The following VAV2 variants were observed in gnomAD, a reference collection of about 807,000 sequenced individuals.
VAV2 encodes the protein guanine nucleotide exchange factor VAV2.
A neutral mutation model predicts 132.5 loss-of-function variants in VAV2; 67 were observed. The observed-to-expected ratio is 0.51, with a 90% confidence interval of 0.42 to 0.62. The LOEUF (loss-of-function observed/expected upper bound fraction) is 0.62. Ranked by LOEUF, VAV2 falls within the 20% of genes least tolerant of loss-of-function variation. VAV2 has a pLI of 0.00. For missense variants in VAV2, 938 were observed against 1,153.6 expected (o/e 0.81, Z 2.71); for synonymous variants, 492 against 443.5 (o/e 1.11, Z -1.37).
chr9:133,938,695 C>A (rs948070947), intron 2 of VAV2, among the ~76,000 whole-genome samples: 1 of 152,134 alleles, frequency 6.6e-6, no homozygotes, highest in Non-Finnish European at 1.5e-5. Flanking sequence ...CTCCTCATCT[C>A]CCCAGCCCCT....
rs1833305846 is a variant in VAV2, at chr9:133,762,854, C to T, written c.*1208G>A. The T allele has an allele frequency of 6.6e-6, 1 of 152,562 alleles. No individual in the cohort carries two copies. The highest frequency in any genetic ancestry group is 2.4e-5 in the African/African-American group (1 of 41,454). 9.5% of individuals were successfully genotyped at this position (152,562 alleles called of 1,614,324 possible). A position where few individuals can be genotyped will look rare whatever the true frequency, so the allele number is the denominator to read the frequency against. ...TGCAGCTGGCCAGAGGGAGAAGGGG[C>T]TACAAGAAGCCCAGGTCTCAACAGA... On this transcript the variant is annotated 3_prime_UTR_variant, in exon 30 of 30. Transcript: ENST00000371850. This position sits in a 1 kb window ranked among gnomAD's most constrained non-coding sequence, Gnocchi z 5.0.
chr9:133,892,450 C>T (rs2789867), intron 2 of VAV2, among the ~76,000 whole-genome samples: 150,762 of 152,066 alleles, frequency 0.99, 74,751 homozygotes, highest in East Asian at 1. Flanking sequence ...TACCAGTGCA[C>T]ACACCTCTGT....
Position 133,926,756 on chromosome 9 carries a change from T to C in VAV2, c.321+12347A>G, listed in dbSNP as rs558631163. 4.6e-5 allele frequency among the ~76,000 whole-genome samples: 7 copies of C among 152,316 alleles called. No individual in the cohort carries two copies. The highest frequency in any genetic ancestry group is 4.6e-4 in the Admixed American group (7 of 15,302). ...CTGCCCACCAAAGTCCCTGTCACTC[T>C]GCACAGTAGGCAGTGGCCCCTGGCT... On this transcript the variant is annotated intron_variant, in intron 2 of 29. Transcript: ENST00000371850. The surrounding 1 kb of genome is among the most constrained non-coding windows in gnomAD (Gnocchi z 4.3).
At chr9:133,878,968 G>A (rs1277241407) in intron 2 of VAV2, among the ~76,000 whole-genome samples, 1 of 152,138 alleles carries the variant, frequency 6.6e-6, no homozygotes, top group East Asian at 1.9e-4. Context: ...AACAAATCCA[G>A]CCTTTGACTC....
intron 1 of VAV2, among the ~76,000 whole-genome samples, chr9:133,965,494 CAAAAA>C (rs148320930): frequency 8.1e-6 from 1 of 122,794 alleles, no homozygotes; most frequent in South Asian, 2.7e-4. Flanking sequence ...GCGAGACTGT[CAAAAA>C]AAAAAAAAAA....
intron 2 of VAV2, among the ~76,000 whole-genome samples, chr9:133,880,260 C>T (rs1466308760): frequency 4.6e-5 from 7 of 152,174 alleles, no homozygotes; most frequent in Non-Finnish European, 7.3e-5. Flanking sequence ...AGGAAAGAGC[C>T]GGCAGGCAGC....
chr9:133,929,362 C>T (rs1840594972), intron 2 of VAV2, among the ~76,000 whole-genome samples: 1 of 152,112 alleles, frequency 6.6e-6, no homozygotes, highest in African/African-American at 2.4e-5. Flanking sequence ...GGGTGACAAA[C>T]TGGGGTCCCC....
chr9:133,904,255 A>G lies in VAV2; in HGVS notation c.321+34848T>C, dbSNP rs116594350. On this transcript the variant is annotated intron_variant, in intron 2 of 29. Transcript: ENST00000371850. ...CCACACACAGCTTTGTTCTTCTGGG[A>G]GACCCCTCTAGAGAACTGAAGAGCA... 6.4e-3 allele frequency among the ~76,000 whole-genome samples: 977 copies of G among 152,356 alleles called. 13 individuals carry two copies. Among genetic ancestry groups the G allele is most frequent in the African/African-American group, 0.022 (916 of 41,588 alleles).
chr9:133,836,578 G>A (rs1295310088), intron 3 of VAV2, among the ~76,000 whole-genome samples: 1 of 152,194 alleles, frequency 6.6e-6, no homozygotes. Flanking sequence ...ATGACATCAT[G>A]GCAAAGTATT....
At chr9:133,987,932 AC>A (rs1295615996) in intron 1 of VAV2, among the ~76,000 whole-genome samples, 1 of 151,830 alleles carries the variant, frequency 6.6e-6, no homozygotes, top group African/African-American at 2.4e-5. Flanking sequence ...CTCTGTGACC[AC>A]CTCCTAGCAC....
chr9:133,904,222 C>T (rs2132021997), intron 2 of VAV2, among the ~76,000 whole-genome samples: 1 of 152,322 alleles, frequency 6.6e-6, no homozygotes, highest in Non-Finnish European at 1.5e-5. Flanking sequence ...CTAAAGGGAA[C>T]CACTCTGCCA....
intron 2 of VAV2, among the ~76,000 whole-genome samples, chr9:133,929,009 A>T (rs183538605): frequency 2.0e-3 from 305 of 152,286 alleles, no homozygotes; most frequent in African/African-American, 6.8e-3. Context: ...CAGCCCATGA[A>T]AACAGGCAGC....
Position 133,788,459 on chromosome 9 carries a change from G to C in VAV2, c.1302C>G (p.Val434=). The change falls in exon 15 of 30, where the codon GTC becomes GTG. Residue 434 remains valine, a synonymous_variant. Transcript: ENST00000371850. This position sits in a 1 kb window ranked among gnomAD's most constrained non-coding sequence, Gnocchi z 5.3. ...DRYLFLFDKV[V]IVCKRKGYSY... ...TGTAGCCCTTCCGCTTGCAGACGAT[G>C]ACCACCTTGTCAAACAGGAACAAGT... 1 of 1,611,138 alleles carries C rather than the reference G, an allele frequency of 6.2e-7. No homozygotes were observed.
chr9:133,909,089 C>A (rs1839782326), intron 2 of VAV2, among the ~76,000 whole-genome samples: 1 of 152,264 alleles, frequency 6.6e-6, no homozygotes, highest in African/African-American at 2.4e-5. Context: ...CAACTCCAGG[C>A]ACCCCTAGCA....
At position 133,854,108 on chromosome 9, in the gene VAV2, C is replaced by T. The variant is rs371648513; in HGVS notation, c.380+7266G>A. ...ACACCCCCATCTGCACATGCACACA[C>T]ATACCCCTTGCACCTGCACACACAC... On this transcript the variant is annotated intron_variant, in intron 3 of 29. Transcript: ENST00000371850. 8.8e-3 allele frequency among the ~76,000 whole-genome samples: 1,257 copies of T among 142,258 alleles called. 34 individuals carry two copies. The highest frequency in any genetic ancestry group is 0.055 in the Admixed American group (809 of 14,706). 93.3% of individuals were successfully genotyped at this position (142,258 alleles called of 152,430 possible).
chr9:133,845,144 G>C (rs1836881709), intron 3 of VAV2, among the ~76,000 whole-genome samples: 1 of 152,232 alleles, frequency 6.6e-6, no homozygotes, highest in Non-Finnish European at 1.5e-5. Context: ...AGCCAGGCTG[G>C]GCAGTTTTGG....
Position 133,898,465 on chromosome 9 carries a change from G to A in VAV2, c.322-37033C>T, listed in dbSNP as rs536749431. ...AAAAATCAGCCAGGCGTGGTGGCAGGTGCCTGTAATCCCACCTACTCAGGA... is the reference window on the plus strand; with the variant it reads ...AAAAATCAGCCAGGCGTGGTGGCAGATGCCTGTAATCCCACCTACTCAGGA... On this transcript the variant is annotated intron_variant, in intron 2 of 29. Transcript: ENST00000371850. 2.0e-4 allele frequency among the ~76,000 whole-genome samples: 31 copies of A among 151,914 alleles called. 1 individual carries two copies. In the South Asian group the frequency reaches 6.0e-3, roughly 30 times the overall value.
At position 133,804,007 on chromosome 9, in the gene VAV2, C is replaced by T. The variant is rs545800587; in HGVS notation, c.836+2074G>A. Among the ~76,000 whole-genome samples, 11 of 152,204 alleles carry T rather than the reference C, an allele frequency of 7.2e-5. No homozygotes were observed. Among genetic ancestry groups the T allele is most frequent in the Admixed American group, 2.0e-4 (3 of 15,290 alleles). On this transcript the variant is annotated intron_variant, in intron 9 of 29. Coordinates refer to ENST00000371850, the MANE Select transcript of VAV2 (RefSeq NM_001134398.2). This position sits in a 1 kb window ranked among gnomAD's most constrained non-coding sequence, Gnocchi z 4.5. ...ACGGGTCTCCTGGGCTCTCCAGCAA[C>T]GCCGCAGCTCCCCCCGGAGCTTCTC...
intron 29 of VAV2, among the ~76,000 whole-genome samples, chr9:133,765,743 G>A (rs1002283782): frequency 6.6e-6 from 1 of 152,126 alleles, no homozygotes; most frequent in African/African-American, 2.4e-5. Context: ...GAATGTCCTT[G>A]GTCTTAGGAA....
Sources: allele counts gnomAD v4.1 joint callset (sites outside exome capture counted in the v4.1 genomes callset), GRCh38; gene constraint gnomAD v4.1.1; non-coding constraint Gnocchi (gnomAD v3.1); transcripts MANE v1.5; gene names NCBI Gene and HGNC (gene_info 2026-07-23, HGNC 2026-07-21).